The following COL4A4 variants were observed in gnomAD, a reference collection of about 807,000 sequenced individuals.
COL4A4 encodes collagen alpha-4(IV) chain.
A neutral mutation model predicts 192.9 loss-of-function variants in COL4A4; 105 were observed. The observed-to-expected ratio is 0.54, with a 90% confidence interval of 0.46 to 0.64. The LOEUF (loss-of-function observed/expected upper bound fraction) is 0.64. Among genes scored for constraint, COL4A4 ranks in the 30% least tolerant of loss-of-function variants. The pLI, the probability that COL4A4 is intolerant of heterozygous loss-of-function variation, is 0.00. For synonymous variants in COL4A4, 762 were observed against 769.9 expected, an observed-to-expected ratio of 0.99 and a Z score of 0.17; for missense variants, 1,967 against 2,169.3, an observed-to-expected ratio of 0.91 and a Z score of 1.85.
At chr2:227,029,917 A>G (rs1002737541) in intron 41 of COL4A4, among the ~76,000 whole-genome samples, 2 of 152,230 alleles carry the variant, frequency 1.3e-5, no homozygotes, top group African/African-American at 4.8e-5. Flanking sequence ...GCTAGTTAGC[A>G]CTTGAAATGT....
At chr2:227,062,502 T>A (rs1233237276) in intron 26 of COL4A4, 28 bp downstream of exon 26, 1 of 1,388,696 alleles carries the variant, frequency 7.2e-7, no homozygotes, top group Admixed American at 1.7e-5. Flanking sequence ...GGGAAGTATA[T>A]AAGACAGTAA....
chr2:227,078,787 C>T (rs2059172112), intron 24 of COL4A4, among the ~76,000 whole-genome samples: 1 of 152,204 alleles, frequency 6.6e-6, no homozygotes, highest in African/African-American at 2.4e-5. Context: ...TCCTCCACCC[C>T]TGTGGGTAAA....
Position 227,047,483 on chromosome 2 carries a change from C to T in COL4A4, c.3281G>A (p.Gly1094Glu). 1 of 1,613,394 alleles carries T rather than the reference C, an allele frequency of 6.2e-7. No individual in the cohort carries two copies. Among genetic ancestry groups the T allele is most frequent in the Non-Finnish European group, 8.5e-7 (1 of 1,179,500 alleles). ...AAAATATGCAGCTATACCTGGACATCCAGGGCTACCTGGCTCACCCTTTGG... is the reference window on the plus strand; with the variant it reads ...AAAATATGCAGCTATACCTGGACATTCAGGGCTACCTGGCTCACCCTTTGG... ...PGPKGEPGSP[G>E]CPGHFGASGE... Residue 1094 changes from glycine to glutamate, a missense_variant, in exon 35 of 48, where the codon GGA (glycine) becomes GAA (glutamate). Gly to Glu is a moderately conservative substitution (Grantham distance 98, BLOSUM62 -2). Transcript: ENST00000396625.
chr2:227,120,021 T>C (rs2061692597), intron 5 of COL4A4, 82 bp from the exon 6 acceptor site: 2 of 1,094,564 alleles, frequency 1.8e-6, no homozygotes, highest in Non-Finnish European at 2.6e-6. Flanking sequence ...AACAATTAAT[T>C]ACTCATCTTT....
At chr2:227,080,721 G>T (rs1046019350) in intron 23 of COL4A4, among the ~76,000 whole-genome samples, 172 bp from the exon 24 acceptor site, 1 of 152,146 alleles carries the variant, frequency 6.6e-6, no homozygotes, top group African/African-American at 2.4e-5. Context: ...AATGACAATT[G>T]CTAGAACCAT....
At chr2:227,067,726 A>C (rs1362200076) in intron 25 of COL4A4, among the ~76,000 whole-genome samples, 1 of 152,236 alleles carries the variant, frequency 6.6e-6, no homozygotes, top group Non-Finnish European at 1.5e-5. Context: ...CAGTGTGTAG[A>C]GGGAAATTTA....
At position 227,119,958 on chromosome 2, in the gene COL4A4, A is replaced by G. The variant is rs2061690032; in HGVS notation, c.328-19T>C. 1 of 1,538,356 alleles carries G rather than the reference A, an allele frequency of 6.5e-7. No individual in the cohort carries two copies. The highest frequency in any genetic ancestry group is 8.8e-7 in the Non-Finnish European group (1 of 1,136,336). ...TTGGACCCTAAAATCCCAGAAAATA[A>G]AACAAAGAGATAAAAATTATTAAAT... On this transcript the variant is annotated intron_variant, in intron 5 of 47. Transcript: ENST00000396625.
At chr2:227,112,475 G>T (rs1410551919) in intron 8 of COL4A4, among the ~76,000 whole-genome samples, 1 of 152,048 alleles carries the variant, frequency 6.6e-6, no homozygotes, top group East Asian at 1.9e-4. Context: ...CACCATGTTG[G>T]CCAGGCTGGT....
chr2:227,140,894 C>A lies in COL4A4; in HGVS notation c.115-656G>T, dbSNP rs1293746078. ...AGAGCATCACACACACACACACACACACACACACACACACACACACACACA... is the reference window on the plus strand; with the variant it reads ...AGAGCATCACACACACACACACACAAACACACACACACACACACACACACA... On this transcript the variant is annotated intron_variant, in intron 3 of 47. Transcript: ENST00000396625. 2.0e-5 allele frequency among the ~76,000 whole-genome samples: 3 copies of A among 150,978 alleles called. No homozygotes were observed. In the East Asian group the frequency reaches 5.9e-4, roughly 30 times the overall value.
the COL4A4 span, among the ~76,000 whole-genome samples, chr2:226,992,850 A>C: frequency 6.6e-6 from 1 of 152,208 alleles, no homozygotes; most frequent in African/African-American, 2.4e-5. Flanking sequence ...TCTTCATGCT[A>C]GCTCAGTGAC....
At chr2:226,986,669 A>C in the COL4A4 span, among the ~76,000 whole-genome samples, 1 of 152,276 alleles carries the variant, frequency 6.6e-6, no homozygotes, top group Non-Finnish European at 1.5e-5. Flanking sequence ...ATCACTAAAA[A>C]GTCAGGAAAC....
intron 44 of COL4A4, among the ~76,000 whole-genome samples, chr2:227,020,873 C>CTTCTTTTCT (rs369601645): frequency 1.9e-5 from 1 of 53,212 alleles, no homozygotes; most frequent in Non-Finnish European, 3.7e-5. Flanking sequence ...TCGGAGAACA[C>CTTCTTTTCT]TTTTTTCTTT....
rs59918285 is a variant in COL4A4 at position 227,006,550 on chromosome 2, A to AT, written c.*774dup. On this transcript the variant is annotated 3_prime_UTR_variant, in exon 48 of 48. Transcript: ENST00000396625. ...TTAGGCTCCTAATCTCTTATTGAAT[A>AT]TTTTTTTTCCATAATTGCTACTTTT... The AT allele has an allele frequency of 0.47, 72,081 of 151,910 alleles. 17,560 individuals carry two copies. Among genetic ancestry groups the AT allele is most frequent in the African/African-American group, 0.59 (24,310 of 41,382 alleles). The allele number at this position is 151,910 out of a possible 1,614,324, so 9.4% of individuals were successfully genotyped here. A position where few individuals can be genotyped will look rare whatever the true frequency, so the allele number is the denominator to read the frequency against.
upstream of COL4A4, chr2:227,164,474 A>T: frequency 1.8e-6 from 1 of 566,162 alleles, no homozygotes. The surrounding 1 kb of genome is among the most constrained non-coding windows in gnomAD (Gnocchi z 4.8). Flanking sequence ...TAGAAGGGAC[A>T]CTGCCTGGTA....
Position 227,031,976 on chromosome 2 carries a change from A to G in COL4A4, c.3786T>C (p.Asp1262=). Residue 1262 remains aspartate, a synonymous_variant, in exon 40 of 48, where the codon GAT becomes GAC. Transcript: ENST00000396625. ...GGCCATCAGGACCAGGAGGTCCCTG[A>G]TCTCCAGGTGGACCCGGGTCAGGAA... ...KDIPDPGPPG[D]QGPPGPDGPR... is the part of the protein sequence containing the mutation. The G allele has an allele frequency of 6.2e-7, 1 of 1,613,816 alleles. No individual in the cohort carries two copies. Among genetic ancestry groups the G allele is most frequent in the Non-Finnish European group, 8.5e-7 (1 of 1,179,790 alleles).
chr2:227,161,779 G>A (rs2064853976), intron 1 of COL4A4, among the ~76,000 whole-genome samples: 1 of 152,066 alleles, frequency 6.6e-6, no homozygotes, highest in Non-Finnish European at 1.5e-5. Flanking sequence ...TGGTCCCAAG[G>A]GATGCCAAGG....
chr2:227,007,303 G>T lies in COL4A4; in HGVS notation c.*22C>A, dbSNP rs562265530. 80 of 1,614,166 alleles carry T rather than the reference G, an allele frequency of 5.0e-5. No homozygotes were observed. Among genetic ancestry groups the T allele is most frequent in the Non-Finnish European group, 6.4e-5 (75 of 1,180,026 alleles). ...CCCCTAGGAAGTTTCTCTTGGCCACGTGTTGGTGAATTTCGCATTCTCTAG... is the reference window on the plus strand; with the variant it reads ...CCCCTAGGAAGTTTCTCTTGGCCACTTGTTGGTGAATTTCGCATTCTCTAG... On this transcript the variant is annotated 3_prime_UTR_variant, in exon 48 of 48. Transcript: ENST00000396625.
intron 4 of COL4A4, among the ~76,000 whole-genome samples, chr2:227,129,411 C>CATT (rs1553702075): frequency 7.2e-6 from 1 of 138,014 alleles, no homozygotes; most frequent in African/African-American, 2.7e-5. Context: ...TTCTAGTATA[C>CATT]TTTTTTTTTT....
At chr2:227,032,415 C>G in intron 38 of COL4A4, 139 bp from the exon 39 acceptor site, 5 of 907,710 alleles carry the variant, frequency 5.5e-6, no homozygotes, top group Non-Finnish European at 8.7e-6. Context: ...CAGTGGTGAT[C>G]CAAATGTCTG....
Sources: allele counts gnomAD v4.1 joint callset (sites outside exome capture counted in the v4.1 genomes callset), GRCh38; gene constraint gnomAD v4.1.1; non-coding constraint Gnocchi (gnomAD v3.1); transcripts MANE v1.5; gene names NCBI Gene and HGNC (gene_info 2026-07-23, HGNC 2026-07-21).